SV2C: variants seen among roughly 807,000 people sequenced by gnomAD.
SV2C encodes solute carrier family 22 member B3.
Under a neutral mutation model 79.7 loss-of-function variants are expected in SV2C, and 49 were observed. The ratio of observed to expected loss-of-function variants is 0.61; its 90% CI spans 0.49 to 0.78. The LOEUF (loss-of-function observed/expected upper bound fraction) is 0.78. SV2C is among the 30% of genes least tolerant of loss of function. The pLI, the probability that SV2C is intolerant of heterozygous loss-of-function variation, is 0.00. For synonymous variants in SV2C, 334 were observed against 333.2 expected (o/e 1.00, Z -0.03); for missense variants, 833 against 912.9 (o/e 0.91, Z 1.13).
At chr5:75,910,804 C>T in the SV2C span, 1 of 1,332,040 alleles carries the variant, frequency 7.5e-7, no homozygotes, top group Non-Finnish European at 1.1e-6. Context: ...TGACCATCTT[C>T]CAAAACATTT....
chr5:76,209,116 A>C lies in SV2C; in HGVS notation c.762-620A>C, dbSNP rs17674301. Among the ~76,000 whole-genome samples the C allele has an allele frequency of 2.1e-3, 318 of 152,252 alleles. 13 individuals carry two copies. In the East Asian group the frequency reaches 0.059, roughly 28 times the overall value. On this transcript the variant is annotated intron_variant, in intron 3 of 12. Coordinates refer to ENST00000502798, the MANE Select transcript of SV2C (RefSeq NM_014979.4). Reference sequence around the variant, plus strand: ...CCACCAGCTCCTTATTTTATTCTACAAGTGTCCCTTTCATGTTTACTTATT... The same window carrying C: ...CCACCAGCTCCTTATTTTATTCTACCAGTGTCCCTTTCATGTTTACTTATT...
At chr5:75,960,196 A>G in the SV2C span, among the ~76,000 whole-genome samples, 1 of 152,138 alleles carries the variant, frequency 6.6e-6, no homozygotes, top group East Asian at 1.9e-4. Context: ...TTTCTTTGTT[A>G]TAACCCTATT....
At chr5:75,933,312 A>G in the SV2C span, among the ~76,000 whole-genome samples, 89,459 of 152,114 alleles carry the variant, frequency 0.59, 27,681 homozygotes, top group African/African-American at 0.79. Flanking sequence ...GCTTACTCAC[A>G]TGTTTAAGTT....
chr5:76,281,096 A>C (rs1561296751), intron 4 of SV2C: 1 of 542,338 alleles, frequency 1.8e-6, no homozygotes, highest in Non-Finnish European at 3.8e-6. Context: ...AAAAAAACTA[A>C]AGCAGTAGAG....
At chr5:76,353,322 G>C (rs1580096537) in exon 13 of SV2C, 1 of 219,388 alleles carries the variant, frequency 4.6e-6, no homozygotes, top group African/African-American at 2.4e-5. Context: ...GAACTTAGTA[G>C]ATTTCTTTAT....
intron 1 of SV2C, among the ~76,000 whole-genome samples, chr5:76,097,048 C>T (rs1337921580): frequency 6.6e-6 from 1 of 152,080 alleles, no homozygotes; most frequent in Non-Finnish European, 1.5e-5. Flanking sequence ...TAATACCTAC[C>T]TCTTAACCCT....
chr5:76,075,218 C>A, the SV2C span, among the ~76,000 whole-genome samples: 35 of 152,240 alleles, frequency 2.3e-4, no homozygotes, highest in East Asian at 6.6e-3. Flanking sequence ...CACATTCAAG[C>A]AAATAATGTC....
chr5:76,223,444 CATATATATATATATAT>C (rs70979384), intron 4 of SV2C, among the ~76,000 whole-genome samples: 1,817 of 45,786 alleles, frequency 0.04, 132 homozygotes, highest in Admixed American at 0.2. Context: ...TACATACATA[CATATATATATATATAT>C]ATATATATAT....
chr5:76,018,956 T>C, the SV2C span, among the ~76,000 whole-genome samples: 2 of 152,178 alleles, frequency 1.3e-5, no homozygotes, highest in African/African-American at 4.8e-5. Flanking sequence ...GATAAGAAAT[T>C]CTAGAGGCTC....
rs142145912 is a variant in SV2C at position 76,252,753 on chromosome 5, G to A, written c.914-32409G>A. On this transcript the variant is annotated intron_variant, in intron 4 of 12. Transcript: ENST00000502798. ...CAATTTTGATGATGGATAACTAAGT[G>A]AACTCAGAGTTCACAGAATTGAGTG... Among the ~76,000 whole-genome samples, 23 of 152,232 alleles carry A rather than the reference G, an allele frequency of 1.5e-4. No homozygotes were observed. In the East Asian group the frequency reaches 4.4e-3, roughly 29 times the overall value.
chr5:75,941,700 T>G, the SV2C span, among the ~76,000 whole-genome samples: 52 of 152,290 alleles, frequency 3.4e-4, no homozygotes, highest in South Asian at 0.011. Context: ...TGGGGCACTT[T>G]AGGCCTCAGA....
the SV2C span, among the ~76,000 whole-genome samples, chr5:75,909,761 T>G: frequency 6.6e-6 from 1 of 152,206 alleles, no homozygotes; most frequent in Non-Finnish European, 1.5e-5. Flanking sequence ...TTAACCTATC[T>G]TTCATCTCTT....
the SV2C span, among the ~76,000 whole-genome samples, chr5:76,028,126 G>A: frequency 6.6e-6 from 1 of 152,134 alleles, no homozygotes; most frequent in Non-Finnish European, 1.5e-5. Flanking sequence ...AAAATCCATT[G>A]TCCCTCCCCG....
chr5:76,063,487 C>A, the SV2C span, among the ~76,000 whole-genome samples: 297 of 152,244 alleles, frequency 2.0e-3, 1 homozygote, highest in African/African-American at 6.8e-3. Context: ...AAGGGTCTGG[C>A]CTTCCATCGG....
In SV2C at chr5:76,282,899, C is replaced by T. The variant is rs529335289; in HGVS notation, c.914-2263C>T. Among the ~76,000 whole-genome samples the T allele has an allele frequency of 4.3e-4, 65 of 152,158 alleles. 1 individual carries two copies. Among genetic ancestry groups the T allele is most frequent in the South Asian group, 1.7e-3 (8 of 4,804 alleles). Reference sequence around the variant, plus strand: ...TGGTGGCAGGCACCTGTAAACCCAGCTACTCAGGAGGCTAAGGCATGAGAA... The same window carrying T: ...TGGTGGCAGGCACCTGTAAACCCAGTTACTCAGGAGGCTAAGGCATGAGAA... On this transcript the variant is annotated intron_variant, in intron 4 of 12. Transcript: ENST00000502798.
chr5:76,213,077 A>G (rs1744812983), intron 4 of SV2C, among the ~76,000 whole-genome samples: 1 of 152,230 alleles, frequency 6.6e-6, no homozygotes. Context: ...TATGTTGACA[A>G]CACCTTGAGA....
In SV2C at chr5:76,242,347, G is replaced by A. The variant is rs1745815005; in HGVS notation, c.913+32460G>A. 21 of 1,391,600 alleles carry A rather than the reference G, an allele frequency of 1.5e-5. No individual in the cohort carries two copies. The East Asian group carries it at 4.0e-4, about 27-fold the overall frequency. The allele number at this position is 1,391,600 out of a possible 1,614,324, so 86.2% of individuals were successfully genotyped here. On this transcript the variant is annotated intron_variant, in intron 4 of 12. Transcript: ENST00000502798. ...ATAGGTGCTGGACGCGGGACGCAGCGGCGCGCGGGCTTTGGTCGGACCGGG... is the reference window on the plus strand; with the variant it reads ...ATAGGTGCTGGACGCGGGACGCAGCAGCGCGCGGGCTTTGGTCGGACCGGG...
At chr5:76,033,364 G>A in the SV2C span, among the ~76,000 whole-genome samples, 1 of 152,062 alleles carries the variant, frequency 6.6e-6, no homozygotes, top group African/African-American at 2.4e-5. Flanking sequence ...TTTCTTCTAG[G>A]GTTTCTATGG....
the SV2C span, among the ~76,000 whole-genome samples, chr5:76,068,166 T>C: frequency 2.0e-5 from 3 of 152,284 alleles, no homozygotes; most frequent in South Asian, 6.2e-4. Flanking sequence ...AGTGTTTGCT[T>C]AGTAAGGATA....
Sources: gnomAD v4.1 joint callset for allele counts (sites outside exome capture counted in the v4.1 genomes callset) on GRCh38, gnomAD v4.1.1 for gene constraint, MANE v1.5 for transcripts, NCBI Gene and HGNC (gene_info 2026-07-23, HGNC 2026-07-21) for gene names.